Variants in PTPDC1 observed in about 807,000 individuals in gnomAD.
PTPDC1 encodes protein tyrosine phosphatase domain-containing protein 1.
In PTPDC1, 53 loss-of-function variants were observed where a neutral mutation model predicts 75.3. That is an observed-to-expected ratio of 0.70 (90% confidence interval 0.56 to 0.88). The LOEUF is 0.88. PTPDC1 is among the 40% of genes least tolerant of loss of function. PTPDC1 has a pLI of 0.00. For missense variants in PTPDC1, 925 were observed against 998.6 expected (o/e 0.93, Z 0.99); for synonymous variants, 349 against 366.2 (o/e 0.95, Z 0.54).
intron 4 of PTPDC1, among the ~76,000 whole-genome samples, chr9:94,092,770 G>T (rs1204907668): frequency 6.7e-6 from 1 of 148,868 alleles, no homozygotes; most frequent in Non-Finnish European, 1.5e-5. Context: ...TGGTGCTCCT[G>T]TATTGGGTGC....
chr9:94,055,479 T>A (rs966309452), intron 1 of PTPDC1, among the ~76,000 whole-genome samples: 2 of 152,214 alleles, frequency 1.3e-5, no homozygotes, highest in African/African-American at 4.8e-5. Context: ...ATAAATAAAC[T>A]GTGATGTATC....
intron 1 of PTPDC1, among the ~76,000 whole-genome samples, chr9:94,040,828 T>C (rs1825407603): frequency 6.6e-6 from 1 of 152,232 alleles, no homozygotes; most frequent in South Asian, 2.1e-4. Context: ...CTAGCTCCTT[T>C]TACCTGAAGA....
intron 1 of PTPDC1, among the ~76,000 whole-genome samples, chr9:94,040,768 A>G (rs1825405819): frequency 1.3e-5 from 2 of 152,320 alleles, no homozygotes; most frequent in South Asian, 4.1e-4. Context: ...GTTGATTTTT[A>G]ATGCATTGCC....
chr9:94,074,015 T>G (rs139108470), intron 2 of PTPDC1, among the ~76,000 whole-genome samples: 1 of 152,354 alleles, frequency 6.6e-6, no homozygotes, highest in East Asian at 1.9e-4. Flanking sequence ...AAAGTCCTTA[T>G]TGGAAATTTT....
At chr9:94,105,542 C>G (rs926352547) in intron 8 of PTPDC1, among the ~76,000 whole-genome samples, 28 of 151,710 alleles carry the variant, frequency 1.8e-4, no homozygotes, top group Admixed American at 1.8e-3. Flanking sequence ...GTGGTGTGCG[C>G]CTGCAGTCCC....
chr9:94,073,573 G>T (rs1826585645), intron 2 of PTPDC1, among the ~76,000 whole-genome samples: 1 of 151,934 alleles, frequency 6.6e-6, no homozygotes, highest in African/African-American at 2.4e-5. Flanking sequence ...TTGCACTGTT[G>T]TTTTCCATTT....
intron 2 of PTPDC1, among the ~76,000 whole-genome samples, chr9:94,071,702 T>C (rs1237213242): frequency 6.6e-6 from 1 of 152,214 alleles, no homozygotes; most frequent in Non-Finnish European, 1.5e-5. Flanking sequence ...ATAGAGTGAT[T>C]CTTCCCACTT....
intron 7 of PTPDC1, 43 bp downstream of exon 7, chr9:94,101,794 C>T: frequency 8.6e-7 from 1 of 1,159,490 alleles, no homozygotes; most frequent in Non-Finnish European, 1.2e-6. Flanking sequence ...AACTGAGGCC[C>T]TTAGTTTTTC....
chr9:94,077,622 G>A (rs888377864), intron 2 of PTPDC1, among the ~76,000 whole-genome samples: 6 of 152,208 alleles, frequency 3.9e-5, no homozygotes, highest in Non-Finnish European at 5.9e-5. Flanking sequence ...CATCCATGCT[G>A]ACCCCAAGTG....
At chr9:94,060,985 T>G (rs1826110772) in intron 1 of PTPDC1, among the ~76,000 whole-genome samples, 1 of 152,164 alleles carries the variant, frequency 6.6e-6, no homozygotes, top group Non-Finnish European at 1.5e-5. Context: ...CCCAAAGTCT[T>G]TACTCATTCC....
chr9:94,066,559 CTT>C (rs141215401), intron 2 of PTPDC1, among the ~76,000 whole-genome samples: 3,869 of 151,540 alleles, frequency 0.026, 162 homozygotes, highest in African/African-American at 0.089. Context: ...AAAAAATTTA[CTT>C]TTTTTTTATT....
rs1349092418 is a variant in PTPDC1 at position 94,108,134 on chromosome 9, T to G, written c.*190T>G. 1 of 359,498 alleles carries G rather than the reference T, an allele frequency of 2.8e-6. No individual in the cohort carries two copies. Among genetic ancestry groups the G allele is most frequent in the Non-Finnish European group, 5.0e-6 (1 of 200,910 alleles). 22.3% of individuals were successfully genotyped at this position (359,498 alleles called of 1,614,324 possible). A position where few individuals can be genotyped will look rare whatever the true frequency, so the allele number is the denominator to read the frequency against. ...TTTAAAATATATTTAAGCTACATTT[T>G]TGTTTTGAAAAATTGCCATAAATTT... On this transcript the variant is annotated 3_prime_UTR_variant, in exon 9 of 9. Coordinates refer to ENST00000620992, the MANE Select transcript of PTPDC1 (RefSeq NM_001253829.2).
At chr9:94,036,029 T>TG (rs1403907202) in intron 1 of PTPDC1, among the ~76,000 whole-genome samples, 7 of 144,990 alleles carry the variant, frequency 4.8e-5, no homozygotes, top group African/African-American at 1.6e-4. Flanking sequence ...ATTTGTTTTT[T>TG]TTTTTGTTTT....
intron 8 of PTPDC1, among the ~76,000 whole-genome samples, chr9:94,106,552 C>T (rs1828030168): frequency 6.6e-6 from 1 of 152,180 alleles, no homozygotes; most frequent in South Asian, 2.1e-4. Flanking sequence ...ACATGAAGCA[C>T]ATGCAGCTGT....
intron 2 of PTPDC1, among the ~76,000 whole-genome samples, chr9:94,075,979 G>GGT (rs968388252): frequency 2.0e-5 from 3 of 151,088 alleles, no homozygotes; most frequent in Non-Finnish European, 3.0e-5. Flanking sequence ...TTTTTGTTTT[G>GGT]GTGTGTGTGT....
At chr9:94,083,063 A>G (rs1202260817), upstream of PTPDC1, among the ~76,000 whole-genome samples, 4 of 152,322 alleles carry the variant, frequency 2.6e-5, no homozygotes, top group East Asian at 5.8e-4. Flanking sequence ...GGAGTGCCAC[A>G]TACTCAGAAG....
chr9:94,092,131 G>C (rs1827348127), intron 4 of PTPDC1, among the ~76,000 whole-genome samples: 2 of 151,646 alleles, frequency 1.3e-5, no homozygotes, highest in Admixed American at 6.6e-5. Context: ...GCTAGCTTTT[G>C]AATGTGTTTG....
rs1413986818 is a variant in PTPDC1, at chr9:94,047,921, A to G, written c.-7+16794A>G. Among the ~76,000 whole-genome samples the G allele has an allele frequency of 1.1e-4, 17 of 152,248 alleles. No homozygotes were observed. The East Asian group carries it at 3.3e-3, about 29-fold the overall frequency. On this transcript the variant is annotated intron_variant, in intron 1 of 9. Transcript: ENST00000375360. Reference sequence around the variant, plus strand: ...TTACAGGCTCTGAAATTGAGGCAATAATCAATAGCTTACCAACCAAAAAAA... The same window carrying G: ...TTACAGGCTCTGAAATTGAGGCAATGATCAATAGCTTACCAACCAAAAAAA...
intron 6 of PTPDC1, chr9:94,100,928 A>G (rs1827813994): frequency 6.6e-6 from 1 of 152,200 alleles, no homozygotes; most frequent in African/African-American, 2.4e-5. Context: ...AGTATTAGAA[A>G]AACTTTCCAG....
Sources: allele counts gnomAD v4.1 joint callset (sites outside exome capture counted in the v4.1 genomes callset), GRCh38; gene constraint gnomAD v4.1.1; transcripts MANE v1.5; gene names NCBI Gene and HGNC (gene_info 2026-07-23, HGNC 2026-07-21).